MAP3K13: variants seen among roughly 807,000 people sequenced by gnomAD.
The protein encoded by MAP3K13 is mitogen-activated protein kinase kinase kinase 13, also known as leucine zipper-bearing kinase.
A neutral mutation model predicts 104.0 loss-of-function variants in MAP3K13; 52 were observed. The observed-to-expected ratio is 0.50, with a 90% CI of 0.40 to 0.63. The LOEUF (loss-of-function observed/expected upper bound fraction) is 0.63, where lower values mean the gene tolerates loss of function less well. Among genes scored for constraint, MAP3K13 ranks in the 20% least tolerant of loss-of-function variants. The pLI is 0.00. For synonymous variants in MAP3K13, 394 were observed against 442.2 expected (o/e 0.89, Z 1.37); for missense variants, 914 against 1,218.5 (o/e 0.75, Z 3.72).
intron 1 of MAP3K13, among the ~76,000 whole-genome samples, chr3:185,411,504 T>C (rs1173071920): frequency 1.3e-5 from 2 of 152,210 alleles, no homozygotes; most frequent in Non-Finnish European, 2.9e-5. Flanking sequence ...GCTATGAAAT[T>C]GACATTTAAT....
intron 2 of MAP3K13, among the ~76,000 whole-genome samples, chr3:185,288,365 T>C (rs1369894098): frequency 2.0e-5 from 3 of 151,658 alleles, no homozygotes; most frequent in Admixed American, 1.3e-4. Flanking sequence ...CCTACATCTA[T>C]GTATATTACA....
At chr3:185,373,514 C>T (rs7641317) in intron 1 of MAP3K13, among the ~76,000 whole-genome samples, 2,045 of 152,116 alleles carry the variant, frequency 0.013, 51 homozygotes, top group African/African-American at 0.046. Flanking sequence ...TGGTGGCATA[C>T]GCCTGTAATC....
chr3:185,421,167 T>TTTTTG (rs568038152), intron 1 of MAP3K13, among the ~76,000 whole-genome samples: 104 of 152,120 alleles, frequency 6.8e-4, no homozygotes, highest in Admixed American at 9.8e-4. Context: ...TTCTTTTCTT[T>TTTTTG]TTTTGTTTTG....
intron 7 of MAP3K13, among the ~76,000 whole-genome samples, chr3:185,455,273 A>G (rs1716439513): frequency 2.0e-5 from 1 of 49,848 alleles, no homozygotes; most frequent in South Asian, 7.4e-4. Context: ...TGAGATATAT[A>G]TGAGATATAT....
intron 12 of MAP3K13, among the ~76,000 whole-genome samples, chr3:185,478,405 T>C (rs574164259): frequency 1.3e-5 from 2 of 152,322 alleles, no homozygotes; most frequent in East Asian, 3.9e-4. Context: ...AAAGGACTCC[T>C]GGCCCTTTGA....
chr3:185,407,385 T>G (rs1215286081), intron 1 of MAP3K13, among the ~76,000 whole-genome samples: 1 of 152,196 alleles, frequency 6.6e-6, no homozygotes, highest in Non-Finnish European at 1.5e-5. Flanking sequence ...GGGGTACCTC[T>G]GTCTCAAATG....
intron 7 of MAP3K13, among the ~76,000 whole-genome samples, chr3:185,454,894 GAGAT>G (rs1331089447): frequency 1.2e-5 from 1 of 83,946 alleles, no homozygotes; most frequent in Non-Finnish European, 2.2e-5. Flanking sequence ...ATATATATAT[GAGAT>G]ATATATATGA....
intron 2 of MAP3K13, among the ~76,000 whole-genome samples, chr3:185,317,610 G>A (rs1181218990): frequency 6.6e-6 from 1 of 152,178 alleles, no homozygotes; most frequent in Admixed American, 6.5e-5. Context: ...TGACAGACTT[G>A]AAAATAGACC....
At chr3:185,299,268 G>T (rs549755163) in intron 2 of MAP3K13, among the ~76,000 whole-genome samples, 1 of 152,200 alleles carries the variant, frequency 6.6e-6, no homozygotes, top group Non-Finnish European at 1.5e-5. Flanking sequence ...AGCATAGGAG[G>T]AAGAGAAGGC....
At chr3:185,386,191 A>G (rs980260869) in intron 1 of MAP3K13, among the ~76,000 whole-genome samples, 7 of 152,132 alleles carry the variant, frequency 4.6e-5, no homozygotes, top group African/African-American at 1.4e-4. Context: ...TTCAGCATCT[A>G]TAAGGAGCTT....
chr3:185,357,459 A>C (rs1024605376), intron 2 of MAP3K13, among the ~76,000 whole-genome samples: 2 of 151,188 alleles, frequency 1.3e-5, no homozygotes, highest in Non-Finnish European at 3.0e-5. Context: ...AAAAAAAAAA[A>C]AAAAAAAAGA....
Position 185,473,198 on chromosome 3 carries a change from C to G in MAP3K13, c.1867C>G (p.Gln623Glu). Residue 623 changes from glutamine to glutamate, a missense_variant, in exon 11 of 14, where the codon CAA (glutamine) becomes GAA (glutamate). Physicochemically the swap from Gln to Glu is conservative, Grantham distance 29 (BLOSUM62 2). Coordinates refer to ENST00000265026, the MANE Select transcript of MAP3K13 (RefSeq NM_004721.5). The surrounding 1 kb of genome is among the most constrained non-coding windows in gnomAD (Gnocchi z 4.9). ...ENSPHPTYLH[Q>E]AQSQYPSLHH... ...TTCACCCCATCCCACTTACCTGCAC[C>G]AAGCTCAATCCCAATACCCTTCTCT... 1 of 1,614,208 alleles carries G rather than the reference C, an allele frequency of 6.2e-7. No individual in the cohort carries two copies. Among genetic ancestry groups the G allele is most frequent in the Non-Finnish European group, 8.5e-7 (1 of 1,180,040 alleles).
At chr3:185,472,460 C>T (rs888947438) in intron 10 of MAP3K13, among the ~76,000 whole-genome samples, 1 of 152,104 alleles carries the variant, frequency 6.6e-6, no homozygotes, top group Non-Finnish European at 1.5e-5. Flanking sequence ...ATCCACCCTC[C>T]TTGGCCTCCC....
intron 2 of MAP3K13, chr3:185,292,057 C>T (rs1362300979): frequency 2.1e-6 from 2 of 949,076 alleles, no homozygotes; most frequent in South Asian, 4.9e-5. Context: ...GTAATCCCAG[C>T]ACTTTGGGAG....
intron 2 of MAP3K13, among the ~76,000 whole-genome samples, chr3:185,431,801 C>T (rs947482762): frequency 1.1e-4 from 16 of 152,144 alleles, no homozygotes; most frequent in Non-Finnish European, 1.6e-4. Flanking sequence ...AAACCAAATA[C>T]CAACTCCTCC....
chr3:185,477,027 C>A lies in MAP3K13; in HGVS notation c.2431-299C>A, dbSNP rs1277340567. 3 of 513,804 alleles carry A rather than the reference C, an allele frequency of 5.8e-6. No individual in the cohort carries two copies. The East Asian group carries it at 1.3e-4, about 23-fold the overall frequency. 31.8% of individuals were successfully genotyped at this position (513,804 alleles called of 1,614,324 possible). On this transcript the variant is annotated intron_variant, in intron 11 of 13. Coordinates refer to ENST00000265026, the MANE Select transcript of MAP3K13 (RefSeq NM_004721.5). Reference sequence around the variant, plus strand: ...AATCCAAGACCTCCTCTCCAACTTCCCTCTCCATCACTCACCTCTGGACAC... The same window carrying A: ...AATCCAAGACCTCCTCTCCAACTTCACTCTCCATCACTCACCTCTGGACAC...
chr3:185,437,417 T>G (rs771718499), intron 2 of MAP3K13, 30 bp from the exon 3 acceptor site: 1 of 1,604,716 alleles, frequency 6.2e-7, no homozygotes, highest in Admixed American at 1.7e-5. Flanking sequence ...CTGAGATCTC[T>G]TCAAGCTTAT....
intron 1 of MAP3K13, among the ~76,000 whole-genome samples, chr3:185,284,372 G>A (rs1473756107): frequency 2.0e-5 from 3 of 152,164 alleles, no homozygotes; most frequent in African/African-American, 7.2e-5. Flanking sequence ...CCCAAAAGAA[G>A]ATTAAACTGT....
At chr3:185,351,156 C>T (rs1335894898) in intron 2 of MAP3K13, among the ~76,000 whole-genome samples, 1 of 152,138 alleles carries the variant, frequency 6.6e-6, no homozygotes, top group Non-Finnish European at 1.5e-5. Flanking sequence ...GGGAGCTAAA[C>T]ATTGAGTACA....
Sources: gnomAD v4.1 joint callset for allele counts (sites outside exome capture counted in the v4.1 genomes callset) on GRCh38, gnomAD v4.1.1 for gene constraint, Gnocchi (gnomAD v3.1) non-coding constraint, MANE v1.5 for transcripts, NCBI Gene and HGNC (gene_info 2026-07-23, HGNC 2026-07-21) for gene names.